STAU1: variants seen among roughly 807,000 people sequenced by gnomAD.
STAU1 encodes the protein staufen double-stranded RNA binding protein 1.
A neutral mutation model predicts 62.9 loss-of-function variants in STAU1; 13 were observed. The ratio of observed to expected loss-of-function variants is 0.21; its 90% CI spans 0.13 to 0.33. The LOEUF is 0.33. STAU1 is among the 10% of genes least tolerant of loss of function. STAU1 has a pLI of 1.00. For synonymous variants in STAU1, 269 were observed against 265.1 expected, an observed-to-expected ratio of 1.01 and a Z score of -0.14; for missense variants, 571 against 712.1, an observed-to-expected ratio of 0.80 and a Z score of 2.25.
the STAU1 span, among the ~76,000 whole-genome samples, chr20:49,196,444 C>CAAAAAAAAAAAAAA: frequency 2.2e-5 from 2 of 91,544 alleles, no homozygotes; most frequent in Non-Finnish European, 2.4e-5. Flanking sequence ...CAAAACAAAA[C>CAAAAAAAAAAAAAA]AAAAAAAAAA....
chr20:49,117,219 G>A lies in STAU1; in HGVS notation c.1539C>T (p.Asn513=), dbSNP rs752872675. ...TGATAAGAGATACAAATTCGTTCTT[G>A]TTGTTTTTGGGGAAGTCTTTGTATT... The part of the protein sequence containing the change: ...QVEYKDFPKN[N]KNEFVSLINC... The change falls in exon 12 of 14, where the codon AAC becomes AAT. Residue 513 remains asparagine (N), a synonymous_variant. Transcript: ENST00000371856. This position sits in a 1 kb window ranked among gnomAD's most constrained non-coding sequence, Gnocchi z 4.6. 9 of 1,614,170 alleles carry A rather than the reference G, an allele frequency of 5.6e-6. No homozygotes were observed. Among genetic ancestry groups the A allele is most frequent in the Non-Finnish European group, 7.6e-6 (9 of 1,180,020 alleles).
Position 49,123,100 on chromosome 20 carries a change from C to T in STAU1, c.958G>A (p.Val320Met). ...ERGLPRRREF[V>M]MQVKVGNHTA... Reference sequence around the variant, plus strand: ...CATCCATGCGGACCCACCTGCATCACAAACTCCCTGCGGCGCGGGAGGCCT... The same window carrying T: ...CATCCATGCGGACCCACCTGCATCATAAACTCCCTGCGGCGCGGGAGGCCT... The change falls in exon 8 of 14, where the codon GTG (valine) becomes ATG (methionine). Residue 320 changes from valine (V) to methionine (M), a missense_variant. Physicochemically the swap from Val to Met is conservative, Grantham distance 21. Transcript: ENST00000371856. 1 of 1,601,554 alleles carries T rather than the reference C, an allele frequency of 6.2e-7. No homozygotes were observed. Among genetic ancestry groups the T allele is most frequent in the Non-Finnish European group, 8.5e-7 (1 of 1,173,636 alleles).
chr20:49,153,847 C>T (rs1183690311), intron 4 of STAU1, 86 bp downstream of exon 4: 6 of 1,384,586 alleles, frequency 4.3e-6, no homozygotes, highest in Non-Finnish European at 5.7e-6. Flanking sequence ...ATTACTCCCT[C>T]CACAATCTAG....
chr20:49,158,504 G>C (rs1568899914), intron 3 of STAU1: 24 of 1,303,798 alleles, frequency 1.8e-5, no homozygotes, highest in Non-Finnish European at 2.3e-5. Flanking sequence ...TCCACTAAAG[G>C]AAAAAAACAA....
chr20:49,116,982 A>C, intron 12 of STAU1, 144 bp downstream of exon 12: 2 of 1,072,566 alleles, frequency 1.9e-6, no homozygotes, highest in South Asian at 3.3e-5. Flanking sequence ...CTTCAAAAAT[A>C]TGAACACTAT....
At chr20:49,148,783 A>G (rs556444624) in intron 5 of STAU1, among the ~76,000 whole-genome samples, 39 of 152,354 alleles carry the variant, frequency 2.6e-4, no homozygotes, top group Non-Finnish European at 4.1e-4. Context: ...ACGCTGCTCT[A>G]GTGAGTGAAG....
chr20:49,131,534 T>C (rs1009775905), intron 6 of STAU1, among the ~76,000 whole-genome samples: 1 of 152,054 alleles, frequency 6.6e-6, no homozygotes, highest in Non-Finnish European at 1.5e-5. Flanking sequence ...GAAAATAATA[T>C]GTATATTTAT....
chr20:49,166,279 G>T lies in STAU1; in HGVS notation c.-78C>A. On this transcript the variant is annotated 5_prime_UTR_variant, in exon 3 of 14. Transcript: ENST00000371856. The stretch of plus-strand genomic sequence containing the variant: ...TTAATTCAGTGCTATGAAGTCTAAA[G>T]TTCTACCTAAAAGTTGTAAGGGAAA... The T allele has an allele frequency of 7.6e-7, 1 of 1,309,110 alleles. No individual in the cohort carries two copies. The highest frequency in any genetic ancestry group is 1.1e-6 in the Non-Finnish European group (1 of 927,954). 81.1% of individuals were successfully genotyped at this position (1,309,110 alleles called of 1,614,324 possible).
chr20:49,202,219 CAAAA>C, the STAU1 span, among the ~76,000 whole-genome samples: 1 of 80,310 alleles, frequency 1.2e-5, no homozygotes, highest in Non-Finnish European at 2.4e-5. Flanking sequence ...GACTCCATCT[CAAAA>C]AAAAAAAAAA....
At chr20:49,134,099 T>C (rs1239105196) in intron 6 of STAU1, among the ~76,000 whole-genome samples, 1 of 152,180 alleles carries the variant, frequency 6.6e-6, no homozygotes, top group Non-Finnish European at 1.5e-5. Context: ...AAGAATCTGC[T>C]GTGGGTCAGA....
the STAU1 span, among the ~76,000 whole-genome samples, chr20:49,211,589 C>T: frequency 6.6e-6 from 1 of 151,890 alleles, no homozygotes; most frequent in Non-Finnish European, 1.5e-5. Flanking sequence ...CTCACTGCAC[C>T]CTCCACCTCT....
At chr20:49,146,248 AGAGT>A (rs1488579053) in intron 5 of STAU1, among the ~76,000 whole-genome samples, 1 of 152,236 alleles carries the variant, frequency 6.6e-6, no homozygotes, top group East Asian at 1.9e-4. Flanking sequence ...CCTGAGTGAC[AGAGT>A]GAGACACCAT....
chr20:49,148,633 G>C (rs978475109), intron 5 of STAU1, among the ~76,000 whole-genome samples: 1 of 152,206 alleles, frequency 6.6e-6, no homozygotes, highest in African/African-American at 2.4e-5. Flanking sequence ...AAGGGGCATA[G>C]AGAAGAAACG....
chr20:49,203,226 A>G, the STAU1 span, among the ~76,000 whole-genome samples: 1 of 152,100 alleles, frequency 6.6e-6, no homozygotes, highest in African/African-American at 2.4e-5. Flanking sequence ...GCAGTTTGAG[A>G]CCAACCTGGC....
At chr20:49,182,061 C>T (rs1025161404) in intron 1 of STAU1, among the ~76,000 whole-genome samples, 5 of 152,162 alleles carry the variant, frequency 3.3e-5, no homozygotes, top group African/African-American at 1.2e-4. Flanking sequence ...AATTTTTAAT[C>T]GAAAGCAAAC....
chr20:49,163,758 T>G (rs753289827), intron 3 of STAU1, among the ~76,000 whole-genome samples: 60 of 152,068 alleles, frequency 3.9e-4, no homozygotes, highest in Non-Finnish European at 7.4e-4. Flanking sequence ...AATTATCAGA[T>G]TTGAATGTTT....
intron 2 of STAU1, among the ~76,000 whole-genome samples, chr20:49,167,335 CTTTAA>C (rs1487090857): frequency 6.6e-6 from 1 of 152,100 alleles, no homozygotes; most frequent in Non-Finnish European, 1.5e-5. Context: ...GAAACAGTTA[CTTTAA>C]TTTTTTTTAA....
At chr20:49,160,493 G>A (rs3795078) in intron 3 of STAU1, among the ~76,000 whole-genome samples, 2,308 of 152,204 alleles carry the variant, frequency 0.015, 65 homozygotes, top group South Asian at 0.079. Context: ...CCGTATCTCC[G>A]TGTCCTTAGA....
At chr20:49,125,805 G>A (rs377104307) in intron 6 of STAU1, among the ~76,000 whole-genome samples, 4 of 151,840 alleles carry the variant, frequency 2.6e-5, no homozygotes, top group Non-Finnish European at 4.4e-5. Context: ...CTGAGATTGC[G>A]CCACTCCAGC....
Sources: gnomAD v4.1 joint callset for allele counts (sites outside exome capture counted in the v4.1 genomes callset) on GRCh38, gnomAD v4.1.1 for gene constraint, Gnocchi (gnomAD v3.1) non-coding constraint, MANE v1.5 for transcripts, NCBI Gene and HGNC (gene_info 2026-07-23, HGNC 2026-07-21) for gene names.